The following SND1 variants were observed in gnomAD, a reference collection of about 807,000 sequenced individuals.
The protein encoded by SND1 is staphylococcal nuclease and tudor domain containing 1.
Under a neutral mutation model 121.7 loss-of-function variants are expected in SND1, and 38 were observed. The ratio of observed to expected loss-of-function variants is 0.31; its 90% CI spans 0.24 to 0.41. The LOEUF is 0.41. SND1 is among the 10% of genes least tolerant of loss of function. SND1 has a pLI of 1.00. For missense variants in SND1, 868 were observed against 1,184.6 expected (o/e 0.73, Z 3.92); for synonymous variants, 401 against 447.4 (o/e 0.90, Z 1.31).
intron 1 of SND1, among the ~76,000 whole-genome samples, chr7:127,677,218 A>G (rs527518108): frequency 6.6e-6 from 1 of 152,324 alleles, no homozygotes; most frequent in South Asian, 2.1e-4. Flanking sequence ...TTTAGGTTTC[A>G]TAACAACTCT....
intron 11 of SND1, among the ~76,000 whole-genome samples, chr7:127,822,717 A>T (rs902551404): frequency 2.6e-5 from 4 of 152,214 alleles, no homozygotes; most frequent in Non-Finnish European, 5.9e-5. Context: ...TTTTCAACTT[A>T]GCTAGTAATT....
chr7:127,751,743 GT>G (rs1797100473), intron 10 of SND1, among the ~76,000 whole-genome samples: 1 of 152,234 alleles, frequency 6.6e-6, no homozygotes, highest in African/African-American at 2.4e-5. Context: ...AGTCCTTGCA[GT>G]TTTGCAAGAC....
intron 15 of SND1, among the ~76,000 whole-genome samples, chr7:127,949,611 T>A (rs1476991550): frequency 6.6e-6 from 1 of 152,202 alleles, no homozygotes; most frequent in Non-Finnish European, 1.5e-5. Context: ...AAATCTTGCA[T>A]TTTGAAAAAC....
intron 14 of SND1, among the ~76,000 whole-genome samples, chr7:127,925,948 C>T (rs367820560): frequency 4.6e-5 from 7 of 151,652 alleles, no homozygotes; most frequent in East Asian, 3.9e-4. Flanking sequence ...CTCTGTCTCC[C>T]GGCTCTTATT....
chr7:127,862,202 G>T (rs971171027), intron 12 of SND1, among the ~76,000 whole-genome samples: 1 of 152,188 alleles, frequency 6.6e-6, no homozygotes, highest in African/African-American at 2.4e-5. Flanking sequence ...GAATCAGAAT[G>T]TCGTTATTCT....
At chr7:127,759,723 C>T (rs928531539) in intron 10 of SND1, among the ~76,000 whole-genome samples, 8 of 152,120 alleles carry the variant, frequency 5.3e-5, no homozygotes, top group Admixed American at 4.6e-4. Context: ...TTCTGTAACT[C>T]CATATTTATG....
chr7:127,964,171 T>C, intron 15 of SND1, among the ~76,000 whole-genome samples: 1 of 150,406 alleles, frequency 6.6e-6, no homozygotes, highest in East Asian at 2.0e-4. Flanking sequence ...GTCAGATGAG[T>C]AGGTTGCAAA....
chr7:127,799,292 A>G (rs948107020), intron 10 of SND1, among the ~76,000 whole-genome samples: 5 of 152,178 alleles, frequency 3.3e-5, no homozygotes, highest in African/African-American at 1.2e-4. Context: ...TGCTATTACT[A>G]GTTATGTGAC....
intron 10 of SND1, among the ~76,000 whole-genome samples, chr7:127,759,479 C>T (rs1402659982): frequency 6.6e-6 from 1 of 152,066 alleles, no homozygotes; most frequent in Non-Finnish European, 1.5e-5. Context: ...CCATTTCTTG[C>T]TTTGTGGGAT....
intron 14 of SND1, among the ~76,000 whole-genome samples, chr7:127,909,061 A>G (rs1344542828): frequency 1.3e-5 from 2 of 152,144 alleles, no homozygotes; most frequent in East Asian, 3.9e-4. Context: ...GTAGGACTCA[A>G]TGAGTCATAG....
chr7:127,680,214 A>ACTAT (rs1750966787), intron 1 of SND1, among the ~76,000 whole-genome samples: 2 of 152,136 alleles, frequency 1.3e-5, no homozygotes, highest in Admixed American at 6.5e-5. Flanking sequence ...AAGGTAATAG[A>ACTAT]CTATCACAAG....
intron 11 of SND1, among the ~76,000 whole-genome samples, chr7:127,835,350 G>A (rs1432069705): frequency 2.6e-5 from 4 of 152,160 alleles, no homozygotes; most frequent in South Asian, 4.1e-4. Flanking sequence ...TCCAGGGAGA[G>A]TTCTGGAAAA....
At chr7:127,714,984 C>A (rs1796362290) in intron 9 of SND1, among the ~76,000 whole-genome samples, 1 of 152,180 alleles carries the variant, frequency 6.6e-6, no homozygotes, top group Non-Finnish European at 1.5e-5. Flanking sequence ...CTCTTTGAGA[C>A]CCTGTTTTCA....
At chr7:127,746,948 T>C (rs978228742) in intron 10 of SND1, among the ~76,000 whole-genome samples, 1 of 152,216 alleles carries the variant, frequency 6.6e-6, no homozygotes. Context: ...CAGTATAACT[T>C]GGAGGCAAGG....
chr7:128,063,031 A>G (rs1199508578), intron 16 of SND1, among the ~76,000 whole-genome samples: 1 of 152,136 alleles, frequency 6.6e-6, no homozygotes, highest in Non-Finnish European at 1.5e-5. Flanking sequence ...GCTTCACGCT[A>G]GACAGTGGTC....
chr7:127,853,780 G>T (rs1177892266), intron 12 of SND1, among the ~76,000 whole-genome samples: 2 of 152,136 alleles, frequency 1.3e-5, no homozygotes, highest in African/African-American at 4.8e-5. Context: ...GTAAATATAT[G>T]ATACCAGTTA....
intron 10 of SND1, among the ~76,000 whole-genome samples, chr7:127,793,045 C>CACAGTAGCTTCATAATGGGCATA (rs1193360788): frequency 6.6e-6 from 1 of 152,236 alleles, no homozygotes; most frequent in Non-Finnish European, 1.5e-5. Context: ...GAAACTGCAT[C>CACAGTAGCTTCATAATGGGCATA]ACAGTAGCTT....
intron 16 of SND1, among the ~76,000 whole-genome samples, chr7:128,065,138 C>T (rs1008374042): frequency 5.3e-5 from 8 of 152,120 alleles, no homozygotes; most frequent in African/African-American, 1.2e-4. Context: ...AAAAGGAAAT[C>T]GGGAAGGTGA....
chr7:127,969,463 C>T (rs12532894), intron 15 of SND1, among the ~76,000 whole-genome samples: 30,873 of 152,160 alleles, frequency 0.2, 3,558 homozygotes, highest in Middle Eastern at 0.3. Flanking sequence ...CAGTGACTCA[C>T]GCCTGTAATC....
Sources: gnomAD v4.1 joint callset for allele counts (sites outside exome capture counted in the v4.1 genomes callset) on GRCh38, gnomAD v4.1.1 for gene constraint, MANE v1.5 for transcripts, NCBI Gene and HGNC (gene_info 2026-07-23, HGNC 2026-07-21) for gene names.